ITGAX: variants seen among roughly 807,000 people sequenced by gnomAD.
ITGAX encodes integrin subunit alpha X, also known as integrin alpha-X.
In ITGAX, 99 loss-of-function variants were observed where a neutral mutation model predicts 140.2. The ratio of observed to expected loss-of-function variants is 0.71; its 90% CI spans 0.60 to 0.83. The LOEUF (loss-of-function observed/expected upper bound fraction) is 0.83. Ranked by LOEUF, ITGAX falls within the 40% of genes least tolerant of loss-of-function variation. The pLI, the probability that ITGAX is intolerant of heterozygous loss-of-function variation, is 0.00. For missense variants in ITGAX, 1,444 were observed against 1,482.0 expected (o/e 0.97, Z 0.42); for synonymous variants, 631 against 600.4 (o/e 1.05, Z -0.75).
Position 31,362,147 on chromosome 16 carries a change from A to G in ITGAX, c.1159A>G (p.Ser387Gly), listed in dbSNP as rs1433652730. 6.2e-7 allele frequency: 1 copy of G among 1,613,944 alleles called. No individual in the cohort carries two copies. Among genetic ancestry groups the G allele is most frequent in the Non-Finnish European group, 8.5e-7 (1 of 1,179,966 alleles). Residue 387 changes from serine (S) to glycine (G), a missense_variant, in exon 11 of 30, where the codon AGC becomes GGC. By Grantham distance (56) the Ser-to-Gly change is moderately conservative. Coordinates refer to ENST00000268296, the MANE Select transcript of ITGAX (RefSeq NM_000887.5). ...TGCCTTCCTGTACCCCCCAAATATG[A>G]GCCCTACCTTCATCAACATGTCTCA... ...GGAFLYPPNM[S>G]PTFINMSQEN...
In ITGAX at chr16:31,380,018, C is replaced by T; in HGVS notation, c.3013C>T (p.Pro1005Ser). The T allele has an allele frequency of 6.2e-7, 1 of 1,614,174 alleles. No individual in the cohort carries two copies. Residue 1005 changes from proline to serine, a missense_variant, in exon 26 of 30, where the codon CCC becomes TCC. Pro to Ser is a moderately conservative substitution (Grantham distance 74). Coordinates refer to ENST00000268296, the MANE Select transcript of ITGAX (RefSeq NM_000887.5). ...TCGGTGCTCCTCAGAGAAAATCGCACCCCCAGCATCTGACTTCCTGGCGCA... is the reference window on the plus strand; with the variant it reads ...TCGGTGCTCCTCAGAGAAAATCGCATCCCCAGCATCTGACTTCCTGGCGCA... ...SLRCSSEKIA[P>S]PASDFLAHIQ...
In ITGAX at chr16:31,362,593, G is replaced by A; in HGVS notation, c.1217-18G>A. On this transcript the variant is annotated intron_variant, in intron 11 of 29. Transcript: ENST00000268296. Reference sequence around the variant, plus strand: ...GAGGGGGAATGGGGGCCTTTGTGCTGAGGCCTGGGCCCCTCAGGTTACTCC... The same window carrying A: ...GAGGGGGAATGGGGGCCTTTGTGCTAAGGCCTGGGCCCCTCAGGTTACTCC... The A allele has an allele frequency of 5.0e-6, 8 of 1,606,136 alleles. No homozygotes were observed. The highest frequency in any genetic ancestry group is 6.8e-6 in the Non-Finnish European group (8 of 1,177,094).
intron 14 of ITGAX, among the ~76,000 whole-genome samples, chr16:31,366,355 G>A (rs2080892912): frequency 6.6e-6 from 1 of 152,188 alleles, no homozygotes; most frequent in Non-Finnish European, 1.5e-5. Flanking sequence ...TCATAAATGT[G>A]TGTGTTCTGA....
At chr16:31,366,324 G>A (rs554988296) in intron 14 of ITGAX, among the ~76,000 whole-genome samples, 1 of 152,308 alleles carries the variant, frequency 6.6e-6, no homozygotes, top group African/African-American at 2.4e-5. Flanking sequence ...CATGAAGCAC[G>A]TCCGTATATG....
intron 7 of ITGAX, 29 bp downstream of exon 7, chr16:31,360,094 C>T (rs1282811750): frequency 6.2e-7 from 1 of 1,605,064 alleles, no homozygotes; most frequent in East Asian, 2.2e-5. Flanking sequence ...CAGGCACAGT[C>T]CCAAAGCACC....
At chr16:31,380,481 C>T (rs768342309) in intron 27 of ITGAX, 42 bp from the exon 28 acceptor site, 3 of 1,612,432 alleles carry the variant, frequency 1.9e-6, no homozygotes, top group Non-Finnish European at 2.5e-6. Context: ...TCTGAGCCTC[C>T]CCCAGAGCCA....
chr16:31,377,043 T>G lies in ITGAX; in HGVS notation c.2669T>G (p.Leu890Arg). The change falls in exon 22 of 30, where the codon CTG becomes CGG. Residue 890 changes from leucine (L) to arginine (R), a missense_variant. Coordinates refer to ENST00000268296, the MANE Select transcript of ITGAX (RefSeq NM_000887.5). ...TTTGACGTCTCCCCCAAGGCTGTCC[T>G]GGGAGACCGGCTGCTTCTGACAGCC... ...ATFDVSPKAV[L>R]GDRLLLTANV... The G allele has an allele frequency of 6.2e-7, 1 of 1,614,228 alleles. No individual in the cohort carries two copies. Among genetic ancestry groups the G allele is most frequent in the East Asian group, 2.2e-5 (1 of 44,880 alleles).
In ITGAX at chr16:31,357,307, C is replaced by A. The variant is rs1430872029; in HGVS notation, c.373C>A (p.Leu125Ile). ...CGGGAGGAACATGTACCTCACCGGA[C>A]TCTGCTTCCTCCTGGGCCCCACCCA... is the stretch of plus-strand genomic sequence containing the variant. ...ECGRNMYLTGLCFLLGPTQLT... is the reference protein window; with the variant it reads ...ECGRNMYLTGICFLLGPTQLT... Residue 125 changes from leucine to isoleucine, a missense_variant, in exon 5 of 30, where the codon CTC becomes ATC. Transcript: ENST00000268296. 2 of 1,608,508 alleles carry A rather than the reference C, an allele frequency of 1.2e-6. No homozygotes were observed. Among genetic ancestry groups the A allele is most frequent in the African/African-American group, 2.7e-5 (2 of 74,738 alleles).
Position 31,382,553 on chromosome 16 carries a change from G to T in ITGAX, c.*646G>T. 6.4e-6 allele frequency: 6 copies of T among 943,746 alleles called. No homozygotes were observed. Among genetic ancestry groups the T allele is most frequent in the Non-Finnish European group, 9.9e-6 (6 of 605,564 alleles). 58.5% of individuals were successfully genotyped at this position (943,746 alleles called of 1,614,324 possible). ...CATCCCAGAGGGTGGGCTTCAGGGC[G>T]CACAGCATGAGAGGCTCTGTGCCCC... On this transcript the variant is annotated 3_prime_UTR_variant, in exon 30 of 30. Coordinates refer to ENST00000268296, the MANE Select transcript of ITGAX (RefSeq NM_000887.5).
intron 14 of ITGAX, among the ~76,000 whole-genome samples, chr16:31,364,196 G>C (rs2080867770): frequency 1.3e-5 from 2 of 152,132 alleles, no homozygotes; most frequent in South Asian, 4.1e-4. Context: ...GCTGAGGCAG[G>C]AGGATCACTT....
Position 31,362,075 on chromosome 16 carries a change from G to T in ITGAX, c.1087G>T (p.Asp363Tyr), listed in dbSNP as rs2080833268. ...QEGFSAVFTP[D>Y]GPVLGAVGSF... Reference sequence around the variant, plus strand: ...CAGCCCTGGAATCCTTTTCTCCCAGGATGGCCCCGTTCTGGGGGCTGTGGG... The same window carrying T: ...CAGCCCTGGAATCCTTTTCTCCCAGTATGGCCCCGTTCTGGGGGCTGTGGG... The change falls in exon 11 of 30, where the codon GAT (aspartate) becomes TAT (tyrosine). Residue 363 changes from aspartate (D) to tyrosine (Y), a missense_variant and splice_region_variant. Physicochemically the swap from Asp to Tyr is radical, Grantham distance 160. Coordinates refer to ENST00000268296, the MANE Select transcript of ITGAX (RefSeq NM_000887.5). The T allele has an allele frequency of 6.2e-7, 1 of 1,614,132 alleles. No homozygotes were observed. The highest frequency in any genetic ancestry group is 1.6e-4 in the Middle Eastern group (1 of 6,062).
chr16:31,372,119 G>A (rs1295650794), intron 17 of ITGAX, among the ~76,000 whole-genome samples: 6 of 151,286 alleles, frequency 4.0e-5, no homozygotes, highest in South Asian at 2.1e-4. Context: ...TGCCCTGGGG[G>A]CCAGGGGCAT....
rs753869781 is a variant in ITGAX, at chr16:31,356,009, G to A, written c.143+11G>A. On this transcript the variant is annotated intron_variant, in intron 2 of 29. Coordinates refer to ENST00000268296, the MANE Select transcript of ITGAX (RefSeq NM_000887.5). ...GTATGCCAACTCCTGGTGAGGCCCA[G>A]GTGGTGCTGGCCTTTGGCTCCATCC... The A allele has an allele frequency of 6.3e-7, 1 of 1,595,600 alleles. No homozygotes were observed. The highest frequency in any genetic ancestry group is 8.6e-7 in the Non-Finnish European group (1 of 1,164,784).
intron 8 of ITGAX, 53 bp from the exon 9 acceptor site, chr16:31,361,010 C>T (rs2080818658): frequency 1.0e-5 from 16 of 1,573,896 alleles, no homozygotes; most frequent in Non-Finnish European, 1.4e-5. Flanking sequence ...ACCCAGTGCA[C>T]ACAGGCACAT....
rs369932001 is a variant in ITGAX, at chr16:31,362,958, C to G, written c.1383C>G (p.Ser461=). 190 of 1,611,868 alleles carry G rather than the reference C, an allele frequency of 1.2e-4. No individual in the cohort carries two copies. The highest frequency in any genetic ancestry group is 1.6e-4 in the Non-Finnish European group (187 of 1,179,804). Residue 461 remains serine (S), a synonymous_variant, in exon 13 of 30, where the codon TCC becomes TCG. Coordinates refer to ENST00000268296, the MANE Select transcript of ITGAX (RefSeq NM_000887.5). ...GTQIGSYFGA[S]LCSVDVDSDG... is the part of the protein sequence containing the mutation. ...AGATCGGCTCCTACTTCGGGGCCTCCCTCTGCTCCGTGGACGTAGACAGCG... is the reference window on the plus strand; with the variant it reads ...AGATCGGCTCCTACTTCGGGGCCTCGCTCTGCTCCGTGGACGTAGACAGCG...
chr16:31,361,368 C>G (rs190238197), intron 9 of ITGAX, 155 bp downstream of exon 9: 1 of 876,564 alleles, frequency 1.1e-6, no homozygotes, highest in South Asian at 1.6e-5. Flanking sequence ...TCCCCACTGA[C>G]GTCCCCCAGC....
Position 31,364,660 on chromosome 16 carries a change from G to A in ITGAX, c.1710+1286G>A, listed in dbSNP as rs889426821. 8.5e-5 allele frequency among the ~76,000 whole-genome samples: 13 copies of A among 152,216 alleles called. No individual in the cohort carries two copies. In the East Asian group the frequency reaches 2.1e-3, roughly 25 times the overall value. On this transcript the variant is annotated intron_variant, in intron 14 of 29. Transcript: ENST00000268296. The stretch of plus-strand genomic sequence containing the variant: ...TGGAGAACCGGGCATCCTCCCCCAT[G>A]CTGGGGATGATGTAAATCCACGCAG...
chr16:31,373,342 C>G lies in ITGAX; in HGVS notation c.2460C>G (p.Thr820=). ...DGEDSYGTTI[T]FSHPAGLSYR... is the part of the protein sequence containing the mutation. ...AAGACTCCTACGGAACCACCATCAC[C>G]TTCTCCCACCCCGCAGGACTGTCCT... The change falls in exon 20 of 30, where the codon ACC becomes ACG. Residue 820 remains threonine (T), a synonymous_variant. Coordinates refer to ENST00000268296, the MANE Select transcript of ITGAX (RefSeq NM_000887.5). 6.2e-7 allele frequency: 1 copy of G among 1,613,674 alleles called. No homozygotes were observed. The highest frequency in any genetic ancestry group is 8.5e-7 in the Non-Finnish European group (1 of 1,179,992).
At position 31,359,922 on chromosome 16, in the gene ITGAX, T is replaced by A; in HGVS notation, c.564T>A (p.Phe188Leu). Residue 188 changes from phenylalanine to leucine, a missense_variant and splice_region_variant, in exon 7 of 30, where the codon TTT becomes TTA. Coordinates refer to ENST00000268296, the MANE Select transcript of ITGAX (RefSeq NM_000887.5). ...ISQFQRPSTQ[F>L]SLMQFSNKFQ... ...CCAGCCCTGTGTGCTTCTCCCAGTT[T>A]TCCCTGATGCAGTTCTCCAACAAAT... 1 of 1,614,108 alleles carries A rather than the reference T, an allele frequency of 6.2e-7. No homozygotes were observed. Among genetic ancestry groups the A allele is most frequent in the Non-Finnish European group, 8.5e-7 (1 of 1,180,032 alleles).
Sources: gnomAD v4.1 joint callset for allele counts (sites outside exome capture counted in the v4.1 genomes callset) on GRCh38, gnomAD v4.1.1 for gene constraint, MANE v1.5 for transcripts, NCBI Gene and HGNC (gene_info 2026-07-23, HGNC 2026-07-21) for gene names.